The following KMT5B variants were observed in gnomAD, a reference collection of about 807,000 sequenced individuals.
KMT5B encodes the protein histone-lysine N-methyltransferase KMT5B.
In KMT5B, 10 loss-of-function variants were observed where a neutral mutation model predicts 83.2. The ratio of observed to expected loss-of-function variants is 0.12; its 90% CI spans 0.07 to 0.20. The LOEUF (loss-of-function observed/expected upper bound fraction) is 0.20, where lower values mean the gene tolerates loss of function less well. Among genes scored for constraint, KMT5B ranks in the 10% least tolerant of loss-of-function variants. The pLI is 1.00. For missense variants in KMT5B, 753 were observed against 1,067.2 expected (o/e 0.71, Z 4.10); for synonymous variants, 349 against 388.8 (o/e 0.90, Z 1.20).
chr11:68,201,074 GA>G (rs1859379593), intron 1 of KMT5B, among the ~76,000 whole-genome samples: 1 of 152,096 alleles, frequency 6.6e-6, no homozygotes, highest in Admixed American at 6.6e-5. Flanking sequence ...GCTAAAATAA[GA>G]AATGTATTTA....
chr11:68,201,946 G>A (rs998889691), intron 1 of KMT5B, among the ~76,000 whole-genome samples: 9 of 151,174 alleles, frequency 6.0e-5, no homozygotes, highest in South Asian at 2.1e-4. Context: ...AAAATTAGTC[G>A]GGTGTGGTGG....
chr11:68,200,904 A>G (rs1043644662), intron 1 of KMT5B, among the ~76,000 whole-genome samples: 1 of 152,178 alleles, frequency 6.6e-6, no homozygotes, highest in African/African-American at 2.4e-5. Flanking sequence ...CAAGGGATTT[A>G]CCCAGCACTG....
intron 3 of KMT5B, among the ~76,000 whole-genome samples, chr11:68,183,952 G>T (rs1014043015): frequency 6.6e-6 from 1 of 152,106 alleles, no homozygotes; most frequent in African/African-American, 2.4e-5. Flanking sequence ...GAGCCACTGC[G>T]CCCAGCCTGG....
Position 68,189,942 on chromosome 11 carries a change from A to G in KMT5B, c.135T>C (p.Asn45=). 1 of 1,614,128 alleles carries G rather than the reference A, an allele frequency of 6.2e-7. No individual in the cohort carries two copies. The highest frequency in any genetic ancestry group is 8.5e-7 in the Non-Finnish European group (1 of 1,180,020). ...ATCTGTTCGACCTCCTCTCGACTGC[A>G]TTTTTGCCAGCCTTCAGGGTGTCCT... ...TGKDTLKAGK[N]AVERRSNRCN... is the part of the protein sequence containing the mutation. The change falls in exon 2 of 11, where the codon AAT becomes AAC. Residue 45 remains asparagine (N), a synonymous_variant. Coordinates refer to ENST00000304363, the MANE Select transcript of KMT5B (RefSeq NM_017635.5).
In KMT5B at chr11:68,158,777, T is replaced by C; in HGVS notation, c.1569A>G (p.Arg523=). The change falls in exon 11 of 11, where the codon AGA becomes AGG. Residue 523 remains arginine, a synonymous_variant. Coordinates refer to ENST00000304363, the MANE Select transcript of KMT5B (RefSeq NM_017635.5). ...AGCTCTCCCCCTGCGAATGAGCACC[T>C]CTCACAGGATTCTGTCTGTGTTCTC... The part of the protein sequence containing the change: ...AAREHRQNPV[R]GAHSQGESSP... The C allele has an allele frequency of 6.2e-7, 1 of 1,614,158 alleles. No individual in the cohort carries two copies. The highest frequency in any genetic ancestry group is 8.5e-7 in the Non-Finnish European group (1 of 1,180,024).
chr11:68,172,294 G>A (rs1319092368), intron 6 of KMT5B, among the ~76,000 whole-genome samples: 3 of 152,010 alleles, frequency 2.0e-5, no homozygotes, highest in East Asian at 1.9e-4. Context: ...GTGCAGTGGC[G>A]TGATCTCAGC....
intron 1 of KMT5B, among the ~76,000 whole-genome samples, chr11:68,205,576 A>G (rs1859995331): frequency 6.6e-6 from 1 of 152,138 alleles, no homozygotes; most frequent in African/African-American, 2.4e-5. Flanking sequence ...CATTTTAAGG[A>G]GCAAACTATC....
chr11:68,183,755 G>T (rs1055976108), intron 3 of KMT5B, among the ~76,000 whole-genome samples: 6 of 151,302 alleles, frequency 4.0e-5, no homozygotes, highest in African/African-American at 1.2e-4. Flanking sequence ...TGTCTCCCGG[G>T]TTCACGTGAT....
chr11:68,205,013 C>A (rs921435590), intron 1 of KMT5B, among the ~76,000 whole-genome samples: 2 of 152,070 alleles, frequency 1.3e-5, no homozygotes, highest in Non-Finnish European at 2.9e-5. Context: ...AAACGCTTTA[C>A]AGTTACCACA....
chr11:68,168,519 A>C (rs1053331641), intron 9 of KMT5B, among the ~76,000 whole-genome samples: 7 of 152,112 alleles, frequency 4.6e-5, no homozygotes, highest in Non-Finnish European at 7.3e-5. Context: ...TATTTTTAGT[A>C]GAGACGGGGT....
chr11:68,178,256 G>C (rs1043723083), intron 4 of KMT5B, among the ~76,000 whole-genome samples: 1 of 152,164 alleles, frequency 6.6e-6, no homozygotes, highest in African/African-American at 2.4e-5. Context: ...ATTTTTAATA[G>C]GCTTTATGTG....
At chr11:68,168,232 C>T (rs1855502959) in intron 9 of KMT5B, among the ~76,000 whole-genome samples, 1 of 151,996 alleles carries the variant, frequency 6.6e-6, no homozygotes, top group South Asian at 2.1e-4. Context: ...CATTTATGGC[C>T]ATTTTTTTCC....
chr11:68,186,242 G>A (rs184078558), intron 2 of KMT5B, among the ~76,000 whole-genome samples: 370 of 152,240 alleles, frequency 2.4e-3, no homozygotes, highest in Non-Finnish European at 3.7e-3. Context: ...ACTGAGAAAC[G>A]GGACGGGAGC....
At chr11:68,213,345 T>TGAGTCCCCGCAGCGTCC (rs1861232492), upstream of KMT5B, 1 of 146,070 alleles carries the variant, frequency 6.8e-6, no homozygotes, top group Non-Finnish European at 1.5e-5. Context: ...ACGGGAAAAA[T>TGAGTCCCCGCAGCGTCC]GAGTCCCCGC....
chr11:68,195,966 C>T (rs922886393), intron 1 of KMT5B, among the ~76,000 whole-genome samples: 1 of 151,970 alleles, frequency 6.6e-6, no homozygotes, highest in African/African-American at 2.4e-5. Flanking sequence ...AGACCAGCCT[C>T]GCCAACATGG....
intron 1 of KMT5B, among the ~76,000 whole-genome samples, chr11:68,199,752 C>T (rs1015908977): frequency 6.6e-6 from 1 of 152,100 alleles, no homozygotes; most frequent in African/African-American, 2.4e-5. Context: ...CTACTGCTAG[C>T]CAGAGGAGAA....
chr11:68,160,073 T>C (rs1183246595), intron 10 of KMT5B, among the ~76,000 whole-genome samples: 1 of 152,268 alleles, frequency 6.6e-6, no homozygotes, highest in Non-Finnish European at 1.5e-5. Context: ...ACTGGAATTA[T>C]ACAGAACTAC....
chr11:68,183,860 A>G (rs1857183443), intron 3 of KMT5B, among the ~76,000 whole-genome samples: 1 of 150,832 alleles, frequency 6.6e-6, no homozygotes, highest in African/African-American at 2.4e-5. Context: ...GGATTTCATC[A>G]TGTTGGCCAG....
intron 1 of KMT5B, among the ~76,000 whole-genome samples, chr11:68,191,896 G>A (rs1197056663): frequency 6.6e-6 from 1 of 152,162 alleles, no homozygotes; most frequent in Non-Finnish European, 1.5e-5. Context: ...TTCAAATCCT[G>A]CAAGTTCCAT....
Sources: gnomAD v4.1 joint callset for allele counts (sites outside exome capture counted in the v4.1 genomes callset) on GRCh38, gnomAD v4.1.1 for gene constraint, MANE v1.5 for transcripts, NCBI Gene and HGNC (gene_info 2026-07-23, HGNC 2026-07-21) for gene names.